UBR4: variants seen among roughly 807,000 people sequenced by gnomAD.
UBR4 encodes the protein ubiquitin protein ligase E3 component n-recognin 4, also known as E3 ubiquitin-protein ligase UBR4.
Under a neutral mutation model 575.6 loss-of-function variants are expected in UBR4, and 124 were observed. The ratio of observed to expected loss-of-function variants is 0.22; its 90% CI spans 0.19 to 0.25. The LOEUF (loss-of-function observed/expected upper bound fraction) is 0.25. Among genes scored for constraint, UBR4 ranks in the 10% least tolerant of loss-of-function variants. The pLI is 1.00. For synonymous variants in UBR4, 2,455 were observed against 2,473.7 expected, an observed-to-expected ratio of 0.99 and a Z score of 0.22; for missense variants, 4,818 against 6,478.8, an observed-to-expected ratio of 0.74 and a Z score of 8.80.
At chr1:19,154,894 T>C in intron 44 of UBR4, 24 bp downstream of exon 44, 1 of 1,613,908 alleles carries the variant, frequency 6.2e-7, no homozygotes, top group Non-Finnish European at 8.5e-7. Context: ...TTGCGGAAGT[T>C]GAACATTAAA....
intron 103 of UBR4, 193 bp downstream of exon 103, chr1:19,081,156 C>A: frequency 1.8e-6 from 1 of 556,852 alleles, no homozygotes; most frequent in East Asian, 2.9e-5. Flanking sequence ...AACAGAAAAC[C>A]CAGAAATGAC....
intron 77 of UBR4, 170 bp downstream of exon 77, chr1:19,113,529 G>A (rs1053418796): frequency 9.6e-6 from 9 of 932,722 alleles, no homozygotes; most frequent in Admixed American, 2.4e-5. Context: ...CATAAATCAC[G>A]GTGGGGGAGA....
In UBR4 at chr1:19,152,313, C is replaced by T. The variant is rs1234699623; in HGVS notation, c.6996G>A (p.Lys2332=). The T allele has an allele frequency of 6.2e-7, 1 of 1,613,810 alleles. No individual in the cohort carries two copies. Among genetic ancestry groups the T allele is most frequent in the African/African-American group, 1.3e-5 (1 of 74,934 alleles). Residue 2332 remains lysine, a splice_region_variant and synonymous_variant, in exon 47 of 106, where the codon AAG becomes AAA. Coordinates refer to ENST00000375254, the MANE Select transcript of UBR4 (RefSeq NM_020765.3). The surrounding 1 kb of genome is among the most constrained non-coding windows in gnomAD (Gnocchi z 4.4). ...NSTGMYVANT[K]PGGFTIEISN... ...GATCCCAGCCCAGTGCCATTCTTACCTTGGTGTTGGCCACATACATGCCAG... is the reference window on the plus strand; with the variant it reads ...GATCCCAGCCCAGTGCCATTCTTACTTTGGTGTTGGCCACATACATGCCAG...
intron 2 of UBR4, among the ~76,000 whole-genome samples, chr1:19,200,463 C>G (rs888931225): frequency 6.6e-6 from 1 of 152,094 alleles, no homozygotes; most frequent in South Asian, 2.1e-4. Flanking sequence ...TGGCTCACAC[C>G]TATAATCCCA....
In UBR4 at chr1:19,091,554, CAG is replaced by C. The variant is rs2077512227; in HGVS notation, c.14211+1263_14211+1264del. Among the ~76,000 whole-genome samples, 4 of 152,318 alleles carry C rather than the reference CAG, an allele frequency of 2.6e-5. No homozygotes were observed. In the South Asian group the frequency reaches 6.2e-4, roughly 24 times the overall value. ...GAACAGACATTTCACTGAAGATACA[CAG>C]GGCACATGAAAAGACGTTCAACATC... is the stretch of plus-strand genomic sequence containing the variant. On this transcript the variant is annotated intron_variant, in intron 97 of 105. Coordinates refer to ENST00000375254, the MANE Select transcript of UBR4 (RefSeq NM_020765.3).
chr1:19,132,836 C>T (rs2149761536), intron 60 of UBR4, among the ~76,000 whole-genome samples: 1 of 152,012 alleles, frequency 6.6e-6, no homozygotes, highest in East Asian at 1.9e-4. Flanking sequence ...AATATATGAA[C>T]AGGCTCACGC....
intron 7 of UBR4, 23 bp downstream of exon 7, chr1:19,197,647 A>G: frequency 6.2e-7 from 1 of 1,612,998 alleles, no homozygotes; most frequent in Non-Finnish European, 8.5e-7. Context: ...AAAGTAAAGC[A>G]TGTGCACTGT....
At position 19,122,943 on chromosome 1, in the gene UBR4, G is replaced by A; in HGVS notation, c.9706C>T (p.His3236Tyr). 1 of 1,614,246 alleles carries A rather than the reference G, an allele frequency of 6.2e-7. No individual in the cohort carries two copies. The highest frequency in any genetic ancestry group is 8.5e-7 in the Non-Finnish European group (1 of 1,180,034). ...QLRDLHTLDS[H>Y]VRGIKKLLEE... ...AGCAGCTTCTTGATCCCACGCACGT[G>A]AGAGTCCAGGGTGTGCAAATCCCGG... Residue 3236 changes from histidine (H) to tyrosine (Y), a missense_variant, in exon 66 of 106, where the codon CAC becomes TAC. Physicochemically the swap from His to Tyr is moderately conservative, Grantham distance 83 (BLOSUM62 2). Transcript: ENST00000375254.
chr1:19,200,537 C>T (rs2092698429), intron 2 of UBR4, among the ~76,000 whole-genome samples: 1 of 151,868 alleles, frequency 6.6e-6, no homozygotes, highest in Admixed American at 6.6e-5. Context: ...ATCACTTCAG[C>T]CCAGGAGTTT....
At chr1:19,081,640 A>C (rs2076518113) in intron 102 of UBR4, 67 bp from the exon 103 acceptor site, 2 of 1,554,236 alleles carry the variant, frequency 1.3e-6, no homozygotes. Context: ...AAGAGCAGGA[A>C]GAATTTGCTC....
chr1:19,144,853 T>G lies in UBR4; in HGVS notation c.8000A>C (p.Tyr2667Ser), dbSNP rs755206025. 1 of 1,614,122 alleles carries G rather than the reference T, an allele frequency of 6.2e-7. No homozygotes were observed. Among genetic ancestry groups the G allele is most frequent in the Non-Finnish European group, 8.5e-7 (1 of 1,180,000 alleles). The change falls in exon 54 of 106, where the codon TAC (tyrosine) becomes TCC (serine). Residue 2667 changes from tyrosine to serine, a missense_variant. Transcript: ENST00000375254. The part of the protein sequence containing the change: ...VNALVDIIHG[Y>S]CTCELDCINT... ...AATACAATCCAGCTCACAGGTACAGTAGCCATGGATGATGTCCACCAGAGC... is the reference window on the plus strand; with the variant it reads ...AATACAATCCAGCTCACAGGTACAGGAGCCATGGATGATGTCCACCAGAGC...
chr1:19,188,092 T>A (rs1337004563), intron 11 of UBR4, among the ~76,000 whole-genome samples: 1 of 150,222 alleles, frequency 6.7e-6, no homozygotes, highest in African/African-American at 2.4e-5. Context: ...TAGAAGAAAC[T>A]CCCAAATGGA....
In UBR4 at chr1:19,153,837, C is replaced by G. The variant is rs373836724; in HGVS notation, c.6561G>C (p.Pro2187=). ...VCCVQQTTGV[P]LVVMVKPDTF... ...TGTCTGGTTTCACCATAACTACCAGCGGCACCCCTGTAGTTTGCTGGACAC... is the reference window on the plus strand; with the variant it reads ...TGTCTGGTTTCACCATAACTACCAGGGGCACCCCTGTAGTTTGCTGGACAC... The change falls in exon 45 of 106, where the codon CCG becomes CCC. Residue 2187 remains proline (P), a synonymous_variant. Transcript: ENST00000375254. The surrounding 1 kb of genome is among the most constrained non-coding windows in gnomAD (Gnocchi z 4.1). The G allele has an allele frequency of 6.2e-7, 1 of 1,614,180 alleles. No individual in the cohort carries two copies.
chr1:19,121,993 C>G lies in UBR4; in HGVS notation c.9836G>C (p.Cys3279Ser), dbSNP rs1189782028. 4 of 1,614,162 alleles carry G rather than the reference C, an allele frequency of 2.5e-6. No homozygotes were observed. The African/African-American group carries it at 4.0e-5, about 16-fold the overall frequency. ...LISLMEHLKA[C>S]AEIAAQRTIN... is the part of the protein sequence containing the mutation. Reference sequence around the variant, plus strand: ...GGTTCGCTGGGCGGCAATCTCTGCACAGGCTTTCAGGTGCTCCATCTGAAA... The same window carrying G: ...GGTTCGCTGGGCGGCAATCTCTGCAGAGGCTTTCAGGTGCTCCATCTGAAA... Residue 3279 changes from cysteine (C) to serine (S), a missense_variant, in exon 67 of 106, where the codon TGT becomes TCT. This residue lies in a region of UBR4 where 550 missense variants were observed against 791.5 expected (regional missense o/e 0.69). Transcript: ENST00000375254.
At chr1:19,120,093 C>A (rs6693149) in intron 69 of UBR4, 87 bp downstream of exon 69, 1 of 1,464,388 alleles carries the variant, frequency 6.8e-7, no homozygotes, top group South Asian at 1.3e-5. Flanking sequence ...ACTCTGTGAC[C>A]ATATGTAACC....
chr1:19,181,104 G>A (rs945249287), intron 17 of UBR4, among the ~76,000 whole-genome samples: 5 of 152,262 alleles, frequency 3.3e-5, no homozygotes, highest in African/African-American at 1.2e-4. Flanking sequence ...CTTAGGCCGA[G>A]CACAGTGGCT....
In UBR4 at chr1:19,123,013, T is replaced by A; in HGVS notation, c.9636A>T (p.Lys3212Asn). 1 of 1,614,112 alleles carries A rather than the reference T, an allele frequency of 6.2e-7. No individual in the cohort carries two copies. Among genetic ancestry groups the A allele is most frequent in the Non-Finnish European group, 8.5e-7 (1 of 1,180,020 alleles). ...QTPFVRRQVRKLLLFICGSKE... is the reference protein window; with the variant it reads ...QTPFVRRQVRNLLLFICGSKE... ...TGGATCCACAGATGAAGAGCAGAAGTTTGCGGACTTGACGGCGCACAAATG... is the reference window on the plus strand; with the variant it reads ...TGGATCCACAGATGAAGAGCAGAAGATTGCGGACTTGACGGCGCACAAATG... Residue 3212 changes from lysine (K) to asparagine (N), a missense_variant, in exon 66 of 106, where the codon AAA becomes AAT. Lys to Asn is a moderately conservative substitution (Grantham distance 94, BLOSUM62 0). Coordinates refer to ENST00000375254, the MANE Select transcript of UBR4 (RefSeq NM_020765.3).
chr1:19,210,188 T>C lies in UBR4; in HGVS notation c.61A>G (p.Thr21Ala), dbSNP rs2093250345. ...CAGCCCGGGGTCGTGTCCGCCCCCG[T>C]TGCCGGGGTCCCCGGCGCCGGAGCC... Reference protein sequence around the residue: ...AAAPAPGTPATGADTTPGWEV... With the variant: ...AAAPAPGTPAAGADTTPGWEV... The change falls in exon 1 of 106, where the codon ACG becomes GCG. Residue 21 changes from threonine (T) to alanine (A), a missense_variant. Physicochemically the swap from Thr to Ala is moderately conservative, Grantham distance 58. Around this residue, in one of 29 missense-constraint regions of UBR4, gnomAD observed 95 missense variants for 87.7 expected, o/e 1.08. Transcript: ENST00000375254. The C allele has an allele frequency of 2.0e-6, 3 of 1,491,360 alleles. No individual in the cohort carries two copies. Among genetic ancestry groups the C allele is most frequent in the Non-Finnish European group, 2.7e-6 (3 of 1,126,544 alleles). The allele number at this position is 1,491,360 out of a possible 1,614,324, so 92.4% of individuals were successfully genotyped here.
chr1:19,078,743 A>G (rs2146866), intron 103 of UBR4: 90,485 of 152,108 alleles, frequency 0.59, 27,258 homozygotes, highest in East Asian at 0.74. Flanking sequence ...GATTCAGTTC[A>G]GGATTAAAGA....
Sources: gnomAD v4.1 joint callset for allele counts (sites outside exome capture counted in the v4.1 genomes callset) on GRCh38, gnomAD v4.1.1 for gene constraint, gnomAD v4.1.1 regional missense constraint, Gnocchi (gnomAD v3.1) non-coding constraint, MANE v1.5 for transcripts, NCBI Gene and HGNC (gene_info 2026-07-23, HGNC 2026-07-21) for gene names.